ELP4: variants seen among roughly 807,000 people sequenced by gnomAD.
The protein encoded by ELP4 is elongator complex protein 4.
Under a neutral mutation model 48.9 loss-of-function variants are expected in ELP4, and 51 were observed. The observed-to-expected ratio is 1.04, with a 90% CI of 0.83 to 1.32. The LOEUF is 1.32. Among genes scored for constraint, ELP4 ranks in the 40% most tolerant of loss-of-function variants. The pLI is 0.00. For synonymous variants in ELP4, 210 were observed against 189.2 expected (o/e 1.11, Z -0.90); for missense variants, 519 against 514.6 (o/e 1.01, Z -0.08).
intron 9 of ELP4, among the ~76,000 whole-genome samples, chr11:31,721,670 A>T (rs1416175293): frequency 6.6e-6 from 1 of 152,008 alleles, no homozygotes; most frequent in East Asian, 1.9e-4. Flanking sequence ...ATTTGGCAGG[A>T]CCCTGGGGAC....
intron 9 of ELP4, among the ~76,000 whole-genome samples, chr11:31,673,907 T>C (rs1945861766): frequency 6.6e-6 from 1 of 152,196 alleles, no homozygotes; most frequent in South Asian, 2.1e-4. Flanking sequence ...CTAACGGAAA[T>C]AGAGAAGTAT....
chr11:31,549,390 T>C (rs975658779), intron 3 of ELP4, among the ~76,000 whole-genome samples: 2 of 152,206 alleles, frequency 1.3e-5, no homozygotes, highest in Admixed American at 6.5e-5. Flanking sequence ...GAAAAAATGC[T>C]CACCATCACT....
chr11:31,514,165 A>T (rs1013534635), intron 1 of ELP4, among the ~76,000 whole-genome samples: 1 of 152,358 alleles, frequency 6.6e-6, no homozygotes, highest in South Asian at 2.1e-4. Flanking sequence ...TAAAAACAAG[A>T]GTTTATTTGC....
At chr11:31,782,824 G>A (rs932226420) in intron 9 of ELP4, among the ~76,000 whole-genome samples, 4 of 152,076 alleles carry the variant, frequency 2.6e-5, no homozygotes, top group Non-Finnish European at 5.9e-5. Context: ...TTGACCCTCC[G>A]GTTGGTATCA....
At chr11:31,582,313 A>G (rs1158043840) in intron 3 of ELP4, among the ~76,000 whole-genome samples, 2 of 152,136 alleles carry the variant, frequency 1.3e-5, no homozygotes, top group Non-Finnish European at 2.9e-5. Context: ...CATACTAACT[A>G]TATTTTTTTA....
chr11:31,686,559 A>C (rs1180286997), intron 9 of ELP4, among the ~76,000 whole-genome samples: 2 of 152,114 alleles, frequency 1.3e-5, no homozygotes, highest in African/African-American at 4.8e-5. Context: ...TTTTATGCAG[A>C]GATTACCAAT....
At chr11:31,649,000 A>T (rs1274333427) in intron 8 of ELP4, 2 of 151,752 alleles carry the variant, frequency 1.3e-5, no homozygotes, top group African/African-American at 2.4e-5. Context: ...TCTAATAAAT[A>T]TATTTTACTA....
chr11:31,707,917 A>C (rs1217513326), intron 9 of ELP4, among the ~76,000 whole-genome samples: 1 of 152,178 alleles, frequency 6.6e-6, no homozygotes, highest in East Asian at 1.9e-4. Context: ...TGCCCAGGGC[A>C]ATCATTTCCC....
chr11:31,671,483 A>G (rs903005686), intron 9 of ELP4, among the ~76,000 whole-genome samples: 10 of 152,252 alleles, frequency 6.6e-5, no homozygotes, highest in African/African-American at 2.4e-4. Context: ...TGCATTACAC[A>G]TAATATCAGA....
intron 7 of ELP4, among the ~76,000 whole-genome samples, chr11:31,635,695 T>C (rs1944960306): frequency 6.6e-6 from 1 of 152,032 alleles, no homozygotes; most frequent in South Asian, 2.1e-4. Context: ...TAACATGTAC[T>C]TAAACAGTGC....
At chr11:31,613,309 G>A (rs1057191682) in intron 5 of ELP4, among the ~76,000 whole-genome samples, 1 of 152,042 alleles carries the variant, frequency 6.6e-6, no homozygotes, top group African/African-American at 2.4e-5. Context: ...TGTTAATTTA[G>A]CTTCCAAAAA....
At chr11:31,668,193 T>C (rs1945720413) in intron 9 of ELP4, among the ~76,000 whole-genome samples, 1 of 152,194 alleles carries the variant, frequency 6.6e-6, no homozygotes, top group Non-Finnish European at 1.5e-5. Flanking sequence ...ATTTAAATAA[T>C]TATGCTTTTT....
intron 9 of ELP4, among the ~76,000 whole-genome samples, chr11:31,729,033 A>G (rs978470497): frequency 2.9e-4 from 44 of 152,316 alleles, no homozygotes; most frequent in African/African-American, 1.1e-3. Context: ...TAGCTAGAGG[A>G]GAAAATTCTA....
At chr11:31,707,349 A>T (rs1226621923) in intron 9 of ELP4, 3 of 218,136 alleles carry the variant, frequency 1.4e-5, no homozygotes, top group African/African-American at 4.5e-5. Context: ...ACCACGTGTA[A>T]TCTATTGACA....
chr11:31,756,850 A>C (rs1406137240), intron 9 of ELP4, among the ~76,000 whole-genome samples: 1 of 152,220 alleles, frequency 6.6e-6, no homozygotes, highest in Non-Finnish European at 1.5e-5. Context: ...GATGAAACAT[A>C]AATATCCATT....
chr11:31,596,875 T>G (rs1016622559), intron 4 of ELP4, among the ~76,000 whole-genome samples: 14 of 152,158 alleles, frequency 9.2e-5, no homozygotes, highest in Non-Finnish European at 1.8e-4. Context: ...GAAATGTAAG[T>G]GACTCTTAAA....
chr11:31,675,161 A>C (rs894177621), intron 9 of ELP4, among the ~76,000 whole-genome samples: 4 of 152,230 alleles, frequency 2.6e-5, no homozygotes, highest in African/African-American at 7.2e-5. Context: ...TCAGAAGTGA[A>C]GAGTTAAGGG....
chr11:31,725,809 T>G (rs1418011443), intron 9 of ELP4, among the ~76,000 whole-genome samples: 4 of 152,158 alleles, frequency 2.6e-5, no homozygotes, highest in Non-Finnish European at 5.9e-5. Flanking sequence ...GAAGCCTCAC[T>G]TTGGGCATTG....
intron 5 of ELP4, among the ~76,000 whole-genome samples, chr11:31,619,288 TTTAG>T: frequency 6.6e-6 from 1 of 151,730 alleles, no homozygotes; most frequent in South Asian, 2.1e-4. Flanking sequence ...GGTATAGGAG[TTTAG>T]TTAGTTCACA....
Sources: allele counts gnomAD v4.1 joint callset (sites outside exome capture counted in the v4.1 genomes callset), GRCh38; gene constraint gnomAD v4.1.1; transcripts MANE v1.5; gene names NCBI Gene and HGNC (gene_info 2026-07-23, HGNC 2026-07-21).